CRY1: variants seen among roughly 807,000 people sequenced by gnomAD.
CRY1 encodes cryptochrome-1.
A neutral mutation model predicts 76.0 loss-of-function variants in CRY1; 45 were observed. The ratio of observed to expected loss-of-function variants is 0.59; its 90% confidence interval spans 0.47 to 0.76. The LOEUF (loss-of-function observed/expected upper bound fraction) is 0.76. Ranked by LOEUF, CRY1 falls within the 30% of genes least tolerant of loss-of-function variation. The probability of loss-of-function intolerance (pLI) is 0.00; values close to 1 mark genes in which losing one functional copy is unlikely to be tolerated. For missense variants in CRY1, 587 were observed against 716.4 expected (o/e 0.82, Z 2.06); for synonymous variants, 248 against 244.0 (o/e 1.02, Z -0.15).
At chr12:107,029,955 A>G (rs974114498) in intron 1 of CRY1, among the ~76,000 whole-genome samples, 1 of 152,106 alleles carries the variant, frequency 6.6e-6, no homozygotes, top group African/African-American at 2.4e-5. Flanking sequence ...TTAGGCAAAA[A>G]TTTCAAGGAT....
At chr12:106,993,623 A>T (rs992688422) in intron 10 of CRY1, among the ~76,000 whole-genome samples, 5 of 152,050 alleles carry the variant, frequency 3.3e-5, no homozygotes, top group African/African-American at 1.2e-4. Flanking sequence ...TTTATGGAAA[A>T]ATATGAGCAT....
intron 1 of CRY1, among the ~76,000 whole-genome samples, chr12:107,072,616 A>T (rs1953203701): frequency 6.6e-6 from 1 of 152,248 alleles, no homozygotes; most frequent in Non-Finnish European, 1.5e-5. Context: ...GTTAAAATTA[A>T]CAAAATTAGC....
intron 1 of CRY1, among the ~76,000 whole-genome samples, chr12:107,052,199 A>G (rs55794336): frequency 0.31 from 46,347 of 151,938 alleles, 8,293 homozygotes; most frequent in East Asian, 0.44. Context: ...AGTGTAAATA[A>G]GGATGGTATC....
intron 1 of CRY1, among the ~76,000 whole-genome samples, chr12:107,059,360 T>A (rs1018721226): frequency 1.3e-5 from 2 of 152,126 alleles, no homozygotes; most frequent in African/African-American, 4.8e-5. Context: ...CAAGTGGCCC[T>A]TCTGCCTCAG....
At chr12:107,054,355 T>C (rs1026864445) in intron 1 of CRY1, among the ~76,000 whole-genome samples, 1 of 151,720 alleles carries the variant, frequency 6.6e-6, no homozygotes, top group Admixed American at 6.6e-5. Context: ...AAATAATGTG[T>C]AATTATTTTA....
At chr12:107,062,773 C>A (rs978685209) in intron 1 of CRY1, among the ~76,000 whole-genome samples, 7 of 152,152 alleles carry the variant, frequency 4.6e-5, no homozygotes, top group Non-Finnish European at 7.4e-5. Flanking sequence ...TTATCCATAA[C>A]GTCATACGAT....
chr12:107,069,026 T>G, intron 1 of CRY1, among the ~76,000 whole-genome samples: 1 of 152,198 alleles, frequency 6.6e-6, no homozygotes, highest in East Asian at 1.9e-4. Flanking sequence ...GCTATGGACA[T>G]TCATGTATAA....
chr12:107,074,874 G>A (rs1953232499), intron 1 of CRY1, among the ~76,000 whole-genome samples: 1 of 152,182 alleles, frequency 6.6e-6, no homozygotes, highest in East Asian at 1.9e-4. Context: ...AATTAGCCGG[G>A]TGTGATGGCG....
intron 7 of CRY1, 112 bp from the exon 8 acceptor site, chr12:106,998,178 G>T: frequency 8.0e-7 from 1 of 1,251,936 alleles, no homozygotes; most frequent in Non-Finnish European, 1.1e-6. Flanking sequence ...GCACAGAATT[G>T]TAAAATTAAA....
At chr12:107,051,180 T>C (rs796168601) in intron 1 of CRY1, among the ~76,000 whole-genome samples, 12 of 152,294 alleles carry the variant, frequency 7.9e-5, no homozygotes, top group African/African-American at 2.9e-4. Context: ...ATAGCTGTTA[T>C]GTAATTATAT....
At chr12:107,027,952 T>G (rs1263089998) in intron 1 of CRY1, among the ~76,000 whole-genome samples, 3 of 152,216 alleles carry the variant, frequency 2.0e-5, no homozygotes, top group Admixed American at 6.5e-5. Context: ...TAAAGCCATG[T>G]GGTTCTGTAT....
At chr12:107,026,769 GTTTTTTTTTT>G (rs66881305) in intron 1 of CRY1, among the ~76,000 whole-genome samples, 8 of 134,196 alleles carry the variant, frequency 6.0e-5, no homozygotes, top group African/African-American at 2.2e-4. Context: ...AATAATTCCT[GTTTTTTTTTT>G]TTTTTTTTTT....
chr12:107,006,971 C>T (rs1952383790), intron 2 of CRY1, among the ~76,000 whole-genome samples: 1 of 151,852 alleles, frequency 6.6e-6, no homozygotes, highest in Non-Finnish European at 1.5e-5. Flanking sequence ...GTCTGCTAAA[C>T]TATTAGGAAA....
intron 10 of CRY1, 94 bp downstream of exon 10, chr12:106,997,200 T>C (rs1952242254): frequency 8.6e-7 from 1 of 1,164,906 alleles, no homozygotes; most frequent in Non-Finnish European, 1.3e-6. Flanking sequence ...CAAAGACAGA[T>C]TTTTATAAAA....
rs371484489 is a variant in CRY1 at position 107,069,667 on chromosome 12, GTATA to G, written c.158+23133_158+23136del. Among the ~76,000 whole-genome samples, 4 of 133,388 alleles carry G rather than the reference GTATA, an allele frequency of 3.0e-5. No homozygotes were observed. The South Asian group carries it at 6.7e-4, about 22-fold the overall frequency. The allele number at this position is 133,388 out of a possible 152,430, so 87.5% of individuals were successfully genotyped here. On this transcript the variant is annotated intron_variant, in intron 1 of 12. Transcript: ENST00000008527. The stretch of plus-strand genomic sequence containing the variant: ...AAAAAGTATATAAAGTATATATAAA[GTATA>G]TATATATAAAGTATATATATAAAGT...
In CRY1 at chr12:107,079,844, C is replaced by T. The variant is rs534081370; in HGVS notation, c.158+12960G>A. 5.9e-5 allele frequency among the ~76,000 whole-genome samples: 9 copies of T among 152,146 alleles called. No individual in the cohort carries two copies. In the East Asian group the frequency reaches 1.7e-3, roughly 29 times the overall value. ...ATGCTATGGCTTTTTGAACTTTAAC[C>T]TAAGGGTAAAGAAATGTCATTAAAA... On this transcript the variant is annotated intron_variant, in intron 1 of 12. Transcript: ENST00000008527.
chr12:107,039,028 G>A (rs1415324908), intron 1 of CRY1, among the ~76,000 whole-genome samples: 1 of 152,128 alleles, frequency 6.6e-6, no homozygotes, highest in Non-Finnish European at 1.5e-5. Flanking sequence ...GGAAGGCTGA[G>A]GCAGAAGAAT....
rs747801875 is a variant in CRY1, at chr12:107,092,839, G to A, written c.123C>T (p.Phe41=). 1.2e-6 allele frequency: 2 copies of A among 1,611,494 alleles called. No homozygotes were observed. Among genetic ancestry groups the A allele is most frequent in the East Asian group, 2.2e-5 (1 of 44,844 alleles). Residue 41 remains phenylalanine, a synonymous_variant, in exon 1 of 13, where the codon TTC becomes TTT. Coordinates refer to ENST00000008527, the MANE Select transcript of CRY1 (RefSeq NM_004075.5). ...TGATGCCCACATTGGAGGAGCCGGC[G>A]AACCAGGGGTCCAGGATGTAGACGC... is the stretch of plus-strand genomic sequence containing the variant. ...IRCVYILDPW[F]AGSSNVGINR...
chr12:107,014,130 A>G lies in CRY1; in HGVS notation c.267+7954T>C, dbSNP rs541584307. Among the ~76,000 whole-genome samples the G allele has an allele frequency of 8.8e-5, 13 of 148,058 alleles. No individual in the cohort carries two copies. The South Asian group carries it at 2.7e-3, about 31-fold the overall frequency. ...ATGGAGCGTGCTGCCACAGGAACAC[A>G]CAACCTTCCCTGTAAAGAAATTTAC... On this transcript the variant is annotated intron_variant, in intron 2 of 12. Coordinates refer to ENST00000008527, the MANE Select transcript of CRY1 (RefSeq NM_004075.5).
Sources: gnomAD v4.1 joint callset for allele counts (sites outside exome capture counted in the v4.1 genomes callset) on GRCh38, gnomAD v4.1.1 for gene constraint, MANE v1.5 for transcripts, NCBI Gene and HGNC (gene_info 2026-07-23, HGNC 2026-07-21) for gene names.